The following CADPS variants were observed in gnomAD, a reference collection of about 807,000 sequenced individuals.
The protein encoded by CADPS is calcium dependent secretion activator, also known as calcium-dependent secretion activator 1.
Under a neutral mutation model 167.3 loss-of-function variants are expected in CADPS, and 57 were observed. The ratio of observed to expected loss-of-function variants is 0.34; its 90% confidence interval spans 0.28 to 0.42. The LOEUF (loss-of-function observed/expected upper bound fraction) is 0.42, where lower values mean the gene tolerates loss of function less well. Ranked by LOEUF, CADPS falls within the 20% of genes least tolerant of loss-of-function variation. The pLI, the probability that CADPS is intolerant of heterozygous loss-of-function variation, is 1.00. For missense variants in CADPS, 1,414 were observed against 1,738.1 expected, an observed-to-expected ratio of 0.81 and a Z score of 3.32; for synonymous variants, 676 against 635.3, an observed-to-expected ratio of 1.06 and a Z score of -0.96.
At chr3:62,529,307 G>A (rs996892315) in intron 13 of CADPS, among the ~76,000 whole-genome samples, 2 of 152,182 alleles carry the variant, frequency 1.3e-5, no homozygotes, top group Non-Finnish European at 2.9e-5. Flanking sequence ...GACCAGTCAA[G>A]ATCCCTTTAG....
At chr3:62,740,046 C>CAA (rs2152287789) in intron 3 of CADPS, among the ~76,000 whole-genome samples, 1 of 152,280 alleles carries the variant, frequency 6.6e-6, no homozygotes, top group East Asian at 1.9e-4. Context: ...TGTTGATTGC[C>CAA]ATGTTCATGG....
rs150336433 is a variant in CADPS, at chr3:62,495,869, A to G, written c.2707-2204T>C. Among the ~76,000 whole-genome samples the G allele has an allele frequency of 4.6e-3, 702 of 152,206 alleles. 5 individuals carry two copies. Among genetic ancestry groups the G allele is most frequent in the African/African-American group, 0.016 (657 of 41,518 alleles). Reference sequence around the variant, plus strand: ...TACCGCATGTGTGTGCATATGATGTACTCTTAGCTGGTGAGATTTCTTTTC... The same window carrying G: ...TACCGCATGTGTGTGCATATGATGTGCTCTTAGCTGGTGAGATTTCTTTTC... On this transcript the variant is annotated intron_variant, in intron 18 of 29. Coordinates refer to ENST00000383710, the MANE Select transcript of CADPS (RefSeq NM_003716.4).
rs1055425010 is a variant in CADPS at position 62,514,865 on chromosome 3, C to T, written c.2581+1194G>A. Among the ~76,000 whole-genome samples, 4 of 152,088 alleles carry T rather than the reference C, an allele frequency of 2.6e-5. No homozygotes were observed. The highest frequency in any genetic ancestry group is 1.9e-4 in the East Asian group (1 of 5,182). ...ATTATTTGCTAATATAGCCCTTTAA[C>T]GACCTCTTGTTCCTCTATTTTTGTC... On this transcript the variant is annotated intron_variant, in intron 16 of 29. Coordinates refer to ENST00000383710, the MANE Select transcript of CADPS (RefSeq NM_003716.4). This position sits in a 1 kb window ranked among gnomAD's most constrained non-coding sequence, Gnocchi z 4.2.
At chr3:62,872,824 G>C (rs138122224) in intron 1 of CADPS, among the ~76,000 whole-genome samples, 1 of 152,026 alleles carries the variant, frequency 6.6e-6, no homozygotes, top group Non-Finnish European at 1.5e-5. Context: ...CACCCCTTTC[G>C]ACCTAACACT....
intron 21 of CADPS, among the ~76,000 whole-genome samples, chr3:62,486,474 ATATCTATGAC>A (rs1189682805): frequency 6.6e-6 from 1 of 150,738 alleles, no homozygotes; most frequent in Non-Finnish European, 1.5e-5. Context: ...AAAGATATTG[ATATCTATGAC>A]TATTTGGAAA....
At chr3:62,687,744 T>TTTC in intron 3 of CADPS, among the ~76,000 whole-genome samples, 1 of 151,262 alleles carries the variant, frequency 6.6e-6, no homozygotes, top group Non-Finnish European at 1.5e-5. Flanking sequence ...ATTTTTTTTT[T>TTTC]TTTTTTTTGC....
At position 62,687,820 on chromosome 3, in the gene CADPS, A is replaced by G. The variant is rs143766386; in HGVS notation, c.889-25426T>C. Among the ~76,000 whole-genome samples the G allele has an allele frequency of 1.5e-4, 23 of 149,996 alleles. No homozygotes were observed. The East Asian group carries it at 3.8e-3, about 25-fold the overall frequency. ...TATGCAGTCTTTTTCTACAACTAAT[A>G]AAGAACTTTCAAATATATTAGACCA... On this transcript the variant is annotated intron_variant, in intron 3 of 29. Transcript: ENST00000383710.
intron 3 of CADPS, among the ~76,000 whole-genome samples, chr3:62,722,021 G>A (rs943392286): frequency 6.6e-6 from 1 of 152,222 alleles, no homozygotes; most frequent in Non-Finnish European, 1.5e-5. Context: ...CACTAAGGAT[G>A]CATGCATCTC....
At chr3:62,836,720 A>C (rs1327428783) in intron 1 of CADPS, among the ~76,000 whole-genome samples, 1 of 152,170 alleles carries the variant, frequency 6.6e-6, no homozygotes. Context: ...TGGGAGGTGA[A>C]GCTTCATCCT....
At chr3:62,442,926 C>T (rs984787128) in intron 27 of CADPS, among the ~76,000 whole-genome samples, 5 of 152,136 alleles carry the variant, frequency 3.3e-5, no homozygotes, top group Non-Finnish European at 4.4e-5. Flanking sequence ...ATAGAATATA[C>T]GTGTATTATG....
chr3:62,486,510 A>G (rs538306343), intron 21 of CADPS, among the ~76,000 whole-genome samples: 1 of 152,242 alleles, frequency 6.6e-6, no homozygotes, highest in East Asian at 1.9e-4. Context: ...ATTAAAAAAT[A>G]CTTTTTATAT....
At chr3:62,870,745 A>G (rs968794107) in intron 1 of CADPS, among the ~76,000 whole-genome samples, 1 of 152,188 alleles carries the variant, frequency 6.6e-6, no homozygotes, top group African/African-American at 2.4e-5. Flanking sequence ...CATTTAAAAA[A>G]TGGTCATGTC....
At chr3:62,569,636 A>T (rs1202062847) in intron 9 of CADPS, among the ~76,000 whole-genome samples, 1 of 152,206 alleles carries the variant, frequency 6.6e-6, no homozygotes, top group Non-Finnish European at 1.5e-5. Context: ...TTAGACCTAA[A>T]AGGGAGTTGC....
intron 1 of CADPS, among the ~76,000 whole-genome samples, chr3:62,862,948 C>T (rs2081071043): frequency 6.6e-6 from 1 of 152,148 alleles, no homozygotes; most frequent in Non-Finnish European, 1.5e-5. Context: ...ACTCGTCTCA[C>T]ATATACTCAA....
rs192499872 is a variant in CADPS, at chr3:62,730,316, A to G, written c.888+23125T>C. Among the ~76,000 whole-genome samples the G allele has an allele frequency of 2.2e-4, 34 of 152,312 alleles. No individual in the cohort carries two copies. In the East Asian group the frequency reaches 6.6e-3, roughly 29 times the overall value. On this transcript the variant is annotated intron_variant, in intron 3 of 29. Coordinates refer to ENST00000383710, the MANE Select transcript of CADPS (RefSeq NM_003716.4). ...TTTTGGTTGTCACCAATAGAAGGTT[A>G]TGCTACTGGTATCTAGTGAGTAGAA...
At chr3:62,831,700 T>TA (rs1344142243) in intron 1 of CADPS, among the ~76,000 whole-genome samples, 2 of 152,162 alleles carry the variant, frequency 1.3e-5, no homozygotes, top group Non-Finnish European at 2.9e-5. Context: ...TAGGAAGTGC[T>TA]AAAAAATATT....
At chr3:62,807,051 T>C (rs755122946) in intron 1 of CADPS, among the ~76,000 whole-genome samples, 1 of 152,190 alleles carries the variant, frequency 6.6e-6, no homozygotes, top group Non-Finnish European at 1.5e-5. Context: ...AGATAGTTTG[T>C]TTTCATGATA....
At chr3:62,788,865 T>A (rs1358997673) in intron 1 of CADPS, among the ~76,000 whole-genome samples, 1 of 152,160 alleles carries the variant, frequency 6.6e-6, no homozygotes, top group African/African-American at 2.4e-5. Context: ...TCCACTGAAC[T>A]TTAAATTTGA....
intron 1 of CADPS, among the ~76,000 whole-genome samples, chr3:62,817,992 C>A (rs1025831419): frequency 3.9e-5 from 6 of 152,048 alleles, no homozygotes; most frequent in African/African-American, 1.4e-4. Context: ...CTGTGTGGAG[C>A]CCACATTTGG....
Sources: gnomAD v4.1 joint callset for allele counts (sites outside exome capture counted in the v4.1 genomes callset) on GRCh38, gnomAD v4.1.1 for gene constraint, Gnocchi (gnomAD v3.1) non-coding constraint, MANE v1.5 for transcripts, NCBI Gene and HGNC (gene_info 2026-07-23, HGNC 2026-07-21) for gene names.